The following VSTM4 variants were observed in gnomAD, a reference collection of about 807,000 sequenced individuals.
VSTM4 encodes the protein V-set and transmembrane domain containing 4.
VSTM4 carries 20 observed loss-of-function variants against 36.4 expected under a neutral mutation model. That is an observed-to-expected ratio of 0.55 (90% CI 0.39 to 0.80). The LOEUF is 0.80. Among genes scored for constraint, VSTM4 ranks in the 30% least tolerant of loss-of-function variants. The probability of loss-of-function intolerance (pLI) is 0.00; values close to 1 mark genes in which losing one functional copy is unlikely to be tolerated. For missense variants in VSTM4, 392 were observed against 404.5 expected (o/e 0.97, Z 0.26); for synonymous variants, 182 against 173.9 (o/e 1.05, Z -0.37).
At position 49,020,722 on chromosome 10, in the gene VSTM4, AAAG is replaced by A. The variant is rs557698917; in HGVS notation, c.838-950_838-948del. On this transcript the variant is annotated intron_variant, in intron 7 of 7. Coordinates refer to ENST00000332853, the MANE Select transcript of VSTM4 (RefSeq NM_001031746.5). Reference sequence around the variant, plus strand: ...AGAAGGAGGGAAGAAGGAAGGAAGGAAAGAAGAAGGAAGGAAGGAAGGAAGGAA... The same window carrying A: ...AGAAGGAGGGAAGAAGGAAGGAAGGAAAGAAGGAAGGAAGGAAGGAAGGAA... Among the ~76,000 whole-genome samples, 103 of 126,624 alleles carry A rather than the reference AAAG, an allele frequency of 8.1e-4. 16 individuals are homozygous for A. Among genetic ancestry groups the A allele is most frequent in the East Asian group, 1.9e-3 (8 of 4,248 alleles). 83.1% of individuals were successfully genotyped at this position (126,624 alleles called of 152,430 possible).
At chr10:49,037,404 G>C (rs910464439) in intron 7 of VSTM4, among the ~76,000 whole-genome samples, 4 of 152,228 alleles carry the variant, frequency 2.6e-5, no homozygotes, top group Non-Finnish European at 5.9e-5. Context: ...TTTCCAACAA[G>C]CTCCCAGGCA....
chr10:49,102,409 C>G, intron 2 of VSTM4: 3 of 985,384 alleles, frequency 3.0e-6, no homozygotes, highest in Non-Finnish European at 2.4e-6. Context: ...GCTGGGATTA[C>G]AGGCGTAAGC....
At chr10:49,045,119 T>C (rs993299851) in intron 7 of VSTM4, among the ~76,000 whole-genome samples, 1 of 152,290 alleles carries the variant, frequency 6.6e-6, no homozygotes, top group African/African-American at 2.4e-5. Context: ...TGTCGAGAAT[T>C]GGCATATAAA....
At chr10:49,038,777 T>C (rs1230280751) in intron 7 of VSTM4, among the ~76,000 whole-genome samples, 1 of 152,042 alleles carries the variant, frequency 6.6e-6, no homozygotes, top group Non-Finnish European at 1.5e-5. Context: ...AGAAGGGTTG[T>C]TCTGAAATTG....
At chr10:49,101,330 G>C (rs934893320) in intron 2 of VSTM4, among the ~76,000 whole-genome samples, 2 of 151,872 alleles carry the variant, frequency 1.3e-5, no homozygotes, top group Non-Finnish European at 2.9e-5. Context: ...ATAAAATTTT[G>C]TACCATATGT....
chr10:49,030,959 C>T lies in VSTM4; in HGVS notation c.838-11184G>A, dbSNP rs911357755. ...TGGAACTTTCAAAGTCTCACAGCAA[C>T]TGCTCCATGGTCTAACATGGTCATT... On this transcript the variant is annotated intron_variant, in intron 7 of 7. Coordinates refer to ENST00000332853, the MANE Select transcript of VSTM4 (RefSeq NM_001031746.5). 2.0e-5 allele frequency among the ~76,000 whole-genome samples: 3 copies of T among 152,214 alleles called. No homozygotes were observed. The East Asian group carries it at 5.8e-4, about 29-fold the overall frequency.
chr10:49,078,450 C>A (rs1396615148), intron 3 of VSTM4, among the ~76,000 whole-genome samples: 2 of 151,552 alleles, frequency 1.3e-5, no homozygotes, highest in African/African-American at 4.9e-5. Context: ...ACCACAGCAT[C>A]CTCAGAAATA....
Position 49,019,555 on chromosome 10 carries a change from A to G in VSTM4, c.*95T>C, listed in dbSNP as rs1843149041. Reference sequence around the variant, plus strand: ...AGGGGCTCCCCACCACTCAGAAGGCATGAGTGAAAATACAGACATAAGGGC... The same window carrying G: ...AGGGGCTCCCCACCACTCAGAAGGCGTGAGTGAAAATACAGACATAAGGGC... On this transcript the variant is annotated 3_prime_UTR_variant, in exon 8 of 8. Transcript: ENST00000332853. 6.9e-7 allele frequency: 1 copy of G among 1,448,442 alleles called. No homozygotes were observed. The highest frequency in any genetic ancestry group is 2.4e-5 in the East Asian group (1 of 41,500). The allele number at this position is 1,448,442 out of a possible 1,614,324, so 89.7% of individuals were successfully genotyped here. A position where few individuals can be genotyped will look rare whatever the true frequency, so the allele number is the denominator to read the frequency against.
intron 1 of VSTM4, among the ~76,000 whole-genome samples, chr10:49,113,753 T>TA (rs929335257): frequency 6.6e-6 from 1 of 152,034 alleles, no homozygotes; most frequent in Non-Finnish European, 1.5e-5. Flanking sequence ...AAGCTGTACT[T>TA]ATGTATAAAA....
At chr10:49,034,031 C>A (rs142778675) in intron 7 of VSTM4, among the ~76,000 whole-genome samples, 1 of 151,278 alleles carries the variant, frequency 6.6e-6, no homozygotes, top group Non-Finnish European at 1.5e-5. Context: ...ATTACCAACA[C>A]CATCATCATC....
Position 49,019,743 on chromosome 10 carries a change from G to T in VSTM4, c.870C>A (p.Ala290=). The T allele has an allele frequency of 6.2e-7, 1 of 1,613,676 alleles. No homozygotes were observed. Among genetic ancestry groups the T allele is most frequent in the South Asian group, 1.1e-5 (1 of 90,976 alleles). Residue 290 remains alanine, a synonymous_variant, in exon 8 of 8, where the codon GCC becomes GCA. Transcript: ENST00000332853. Reference sequence around the variant, plus strand: ...GGTGGGGTTTGATCAGCTCCAGTTCGGCATAGGTTAAGTTTTCCTCAGCAA... The same window carrying T: ...GGTGGGGTTTGATCAGCTCCAGTTCTGCATAGGTTAAGTTTTCCTCAGCAA... ...PKIAEENLTY[A]ELELIKPHRA...
At chr10:49,108,792 G>T (rs957416682) in intron 1 of VSTM4, among the ~76,000 whole-genome samples, 1 of 152,108 alleles carries the variant, frequency 6.6e-6, no homozygotes, top group African/African-American at 2.4e-5. Context: ...CCCGAGGGCT[G>T]CCCACTCCCA....
intron 5 of VSTM4, among the ~76,000 whole-genome samples, chr10:49,062,267 T>C (rs1843890288): frequency 6.6e-6 from 1 of 152,186 alleles, no homozygotes; most frequent in Non-Finnish European, 1.5e-5. Context: ...TGTACTCCTA[T>C]TTCTGCTCTT....
intron 7 of VSTM4, among the ~76,000 whole-genome samples, chr10:49,032,197 C>T (rs929435940): frequency 6.6e-6 from 1 of 152,218 alleles, no homozygotes; most frequent in Non-Finnish European, 1.5e-5. Context: ...AACAACTAGT[C>T]TATGTGGAAG....
chr10:49,060,700 A>G (rs529912034), intron 5 of VSTM4, among the ~76,000 whole-genome samples: 3 of 151,968 alleles, frequency 2.0e-5, no homozygotes, highest in African/African-American at 4.8e-5. Context: ...AATTACATCA[A>G]TTCTTTCATT....
chr10:49,087,974 C>T (rs536757291), intron 2 of VSTM4, among the ~76,000 whole-genome samples: 1 of 130,754 alleles, frequency 7.6e-6, no homozygotes, highest in Non-Finnish European at 1.5e-5. Flanking sequence ...TGTATATATA[C>T]ATATGTAATA....
intron 5 of VSTM4, chr10:49,064,325 A>G (rs1385161790): frequency 4.3e-6 from 1 of 230,950 alleles, no homozygotes; most frequent in Non-Finnish European, 8.4e-6. Context: ...ACCAGCTAAA[A>G]GCAGGGCATA....
intron 3 of VSTM4, among the ~76,000 whole-genome samples, chr10:49,082,689 AG>A (rs1241507174): frequency 6.6e-6 from 1 of 152,182 alleles, no homozygotes; most frequent in East Asian, 1.9e-4. Context: ...CAAAAGGAAA[AG>A]AAAAAAAAAC....
intron 2 of VSTM4, among the ~76,000 whole-genome samples, chr10:49,092,260 G>A (rs758750460): frequency 6.6e-6 from 1 of 152,174 alleles, no homozygotes; most frequent in African/African-American, 2.4e-5. Flanking sequence ...TGCCTGAAGA[G>A]GGAGTTCACC....
Sources: allele counts gnomAD v4.1 joint callset (sites outside exome capture counted in the v4.1 genomes callset), GRCh38; gene constraint gnomAD v4.1.1; transcripts MANE v1.5; gene names NCBI Gene and HGNC (gene_info 2026-07-23, HGNC 2026-07-21).